Variants in SPATA7 observed in about 807,000 individuals in gnomAD.
SPATA7 encodes spermatogenesis associated 7.
Under a neutral mutation model 51.8 loss-of-function variants are expected in SPATA7, and 43 were observed. The observed-to-expected ratio is 0.83, with a 90% CI of 0.65 to 1.07. The LOEUF (loss-of-function observed/expected upper bound fraction) is 1.07. Among genes scored for constraint, SPATA7 ranks in the 50% least tolerant of loss-of-function variants. The pLI, the probability that SPATA7 is intolerant of heterozygous loss-of-function variation, is 0.00. For synonymous variants in SPATA7, 230 were observed against 252.8 expected (o/e 0.91, Z 0.86); for missense variants, 683 against 701.3 (o/e 0.97, Z 0.30).
At chr14:88,412,883 A>G (rs752483031) in intron 4 of SPATA7, among the ~76,000 whole-genome samples, 11 of 152,200 alleles carry the variant, frequency 7.2e-5, no homozygotes, top group Non-Finnish European at 1.3e-4. Flanking sequence ...GCCAAGGCCA[A>G]TGTCCAGCAG....
At chr14:88,456,802 A>G (rs567178786), downstream of SPATA7, among the ~76,000 whole-genome samples, 23 of 152,098 alleles carry the variant, frequency 1.5e-4, no homozygotes, top group African/African-American at 5.3e-4. Context: ...CCTTGCCCAT[A>G]CCTATGTCCT....
chr14:88,385,823 A>G lies in SPATA7; in HGVS notation c.5A>G (p.Asp2Gly), dbSNP rs1566741033. Residue 2 changes from aspartate (D) to glycine (G), a missense_variant, in exon 1 of 12, where the codon GAT (aspartate) becomes GGT (glycine). Physicochemically the swap from Asp to Gly is moderately conservative, Grantham distance 94. Transcript: ENST00000393545. M[D>G]GSRRVRATSV... Reference sequence around the variant, plus strand: ...GCGGCTGCAAGAGGACTAAGCATGGATGGCAGCCGGAGAGGTAAAGGGCAG... The same window carrying G: ...GCGGCTGCAAGAGGACTAAGCATGGGTGGCAGCCGGAGAGGTAAAGGGCAG... 6.2e-7 allele frequency: 1 copy of G among 1,605,718 alleles called. No homozygotes were observed. Among genetic ancestry groups the G allele is most frequent in the Non-Finnish European group, 8.5e-7 (1 of 1,176,732 alleles).
At chr14:88,448,706 CAG>C (rs1256481243) in intron 3 of SPATA7, among the ~76,000 whole-genome samples, 4 of 152,138 alleles carry the variant, frequency 2.6e-5, no homozygotes, top group Non-Finnish European at 5.9e-5. Context: ...TTCTAACAGT[CAG>C]GACCCTCAGC....
intron 1 of SPATA7, among the ~76,000 whole-genome samples, chr14:88,388,882 C>T (rs916068068): frequency 2.0e-5 from 3 of 152,194 alleles, no homozygotes; most frequent in African/African-American, 7.2e-5. Flanking sequence ...TGATTGTGCA[C>T]TTGCCCAAAG....
intron 5 of SPATA7, among the ~76,000 whole-genome samples, chr14:88,421,042 G>T (rs1463579587): frequency 6.6e-6 from 1 of 152,040 alleles, no homozygotes; most frequent in African/African-American, 2.4e-5. Flanking sequence ...GAACCCAGGA[G>T]GTGGGAGGTC....
chr14:88,387,811 C>A (rs1397152368), intron 1 of SPATA7, among the ~76,000 whole-genome samples: 1 of 152,100 alleles, frequency 6.6e-6, no homozygotes, highest in African/African-American at 2.4e-5. Flanking sequence ...GGCATGGTTT[C>A]CAGCTTCCTA....
At chr14:88,441,885 G>A (rs536990925), downstream of SPATA7, among the ~76,000 whole-genome samples, 6 of 152,170 alleles carry the variant, frequency 3.9e-5, no homozygotes, top group East Asian at 3.9e-4. Flanking sequence ...ATGCATTTGC[G>A]TTTGGGTTCT....
chr14:88,445,072 G>A (rs987234214), intron 3 of SPATA7, among the ~76,000 whole-genome samples: 1 of 151,836 alleles, frequency 6.6e-6, no homozygotes, highest in African/African-American at 2.4e-5. Flanking sequence ...AAATTACCTT[G>A]GGCAGTATGG....
In SPATA7 at chr14:88,426,587, G is replaced by T; in HGVS notation, c.728G>T (p.Arg243Leu). The T allele has an allele frequency of 6.2e-7, 1 of 1,614,002 alleles. No individual in the cohort carries two copies. The highest frequency in any genetic ancestry group is 8.5e-7 in the Non-Finnish European group (1 of 1,180,006). The stretch of plus-strand genomic sequence containing the variant: ...AACAAACAATTGCCATTCACTCCTC[G>T]CACTTTAAAAACAGAAGCAAAATCT... ...FSNKQLPFTP[R>L]TLKTEAKSFL... Residue 243 changes from arginine to leucine, a missense_variant, in exon 6 of 12, where the codon CGC becomes CTC. By Grantham distance (102) the Arg-to-Leu change is moderately radical. Transcript: ENST00000393545.
At position 88,469,642 on chromosome 14, in the gene SPATA7, C is replaced by G. The variant is rs376371612; in HGVS notation, c.255-205C>G. The G allele has an allele frequency of 1.2e-6, 2 of 1,614,112 alleles. No individual in the cohort carries two copies. Among genetic ancestry groups the G allele is most frequent in the African/African-American group, 1.3e-5 (1 of 75,000 alleles). On this transcript the variant is annotated intron_variant, in intron 4 of 4. Coordinates refer to the SPATA7 transcript ENST00000556406. The surrounding 1 kb of genome is among the most constrained non-coding windows in gnomAD (Gnocchi z 4.3). Reference sequence around the variant, plus strand: ...ATAGCAGCCAGAGTCTGTGCGGAACCGGGTCGTGATCTTAAACCTTCCATA... The same window carrying G: ...ATAGCAGCCAGAGTCTGTGCGGAACGGGGTCGTGATCTTAAACCTTCCATA...
At chr14:88,405,287 G>A (rs1356846453) in intron 4 of SPATA7, among the ~76,000 whole-genome samples, 1 of 152,204 alleles carries the variant, frequency 6.6e-6, no homozygotes. Flanking sequence ...AAAGGCAGTG[G>A]CCATTGCAAA....
In SPATA7 at chr14:88,387,345, TA is replaced by T. The variant is rs576804598; in HGVS notation, c.19+1509del. 6.6e-5 allele frequency among the ~76,000 whole-genome samples: 10 copies of T among 150,952 alleles called. No individual in the cohort carries two copies. In the East Asian group the frequency reaches 1.9e-3, roughly 29 times the overall value. ...ATTTTTACAACTTGCACAATTTAAT[TA>T]GCTTCATTTTTAGGAAATAATATAT... On this transcript the variant is annotated intron_variant, in intron 1 of 11. Transcript: ENST00000393545.
intron 5 of SPATA7, among the ~76,000 whole-genome samples, chr14:88,423,446 C>T (rs1029316905): frequency 4.7e-5 from 7 of 147,914 alleles, no homozygotes; most frequent in Admixed American, 4.7e-4. Context: ...GTCCCAGCTA[C>T]TCAGGAGGCT....
intron 8 of SPATA7, among the ~76,000 whole-genome samples, 192 bp downstream of exon 8, chr14:88,429,655 G>T (rs2076888388): frequency 6.6e-6 from 1 of 151,926 alleles, no homozygotes; most frequent in Non-Finnish European, 1.5e-5. Flanking sequence ...AAGTTGAAAT[G>T]AATTAATTTT....
intron 1 of SPATA7, among the ~76,000 whole-genome samples, chr14:88,386,821 G>A (rs2075592845): frequency 6.6e-6 from 1 of 151,984 alleles, no homozygotes; most frequent in Non-Finnish European, 1.5e-5. Flanking sequence ...CTTTGAATGA[G>A]TCTGCCTTTA....
chr14:88,422,643 CTGTAAA>C, intron 5 of SPATA7, among the ~76,000 whole-genome samples: 1 of 148,782 alleles, frequency 6.7e-6, no homozygotes, highest in South Asian at 2.1e-4. Context: ...TAATATATTT[CTGTAAA>C]TGTTAGATGT....
In SPATA7 at chr14:88,426,624, G is replaced by A. The variant is rs1291617122; in HGVS notation, c.765G>A (p.Gln255=). ...CAGAAGCAAAATCTTTCCTGTCACAGTATCGCTATTATACACCTGCCAAAA... is the reference window on the plus strand; with the variant it reads ...CAGAAGCAAAATCTTTCCTGTCACAATATCGCTATTATACACCTGCCAAAA... ...LKTEAKSFLS[Q]YRYYTPAKRK... Residue 255 remains glutamine (Q), a synonymous_variant, in exon 6 of 12, where the codon CAG becomes CAA. Coordinates refer to ENST00000393545, the MANE Select transcript of SPATA7 (RefSeq NM_018418.5). 1 of 1,613,988 alleles carries A rather than the reference G, an allele frequency of 6.2e-7. No homozygotes were observed. The highest frequency in any genetic ancestry group is 8.5e-7 in the Non-Finnish European group (1 of 1,180,018).
intron 4 of SPATA7, among the ~76,000 whole-genome samples, chr14:88,408,571 T>C (rs60503594): frequency 0.39 from 58,868 of 151,928 alleles, 12,233 homozygotes; most frequent in African/African-American, 0.54. Context: ...AATTTGACTT[T>C]CTCTCTTCCT....
chr14:88,449,373 T>G (rs923954126), intron 3 of SPATA7, among the ~76,000 whole-genome samples: 1 of 152,226 alleles, frequency 6.6e-6, no homozygotes, highest in Non-Finnish European at 1.5e-5. Context: ...TCCATTTATT[T>G]GGCATGGTTT....
Sources: gnomAD v4.1 joint callset for allele counts (sites outside exome capture counted in the v4.1 genomes callset) on GRCh38, gnomAD v4.1.1 for gene constraint, Gnocchi (gnomAD v3.1) non-coding constraint, MANE v1.5 for transcripts, NCBI Gene and HGNC (gene_info 2026-07-23, HGNC 2026-07-21) for gene names.